GRM4: variants seen among roughly 807,000 people sequenced by gnomAD.
GRM4 encodes the protein glutamate metabotropic receptor 4, also known as metabotropic glutamate receptor 4.
In GRM4, 28 loss-of-function variants were observed where a neutral mutation model predicts 81.7. The ratio of observed to expected loss-of-function variants is 0.34; its 90% CI spans 0.25 to 0.47. The LOEUF (loss-of-function observed/expected upper bound fraction) is 0.47, where lower values mean the gene tolerates loss of function less well. GRM4 is among the 20% of genes least tolerant of loss of function. GRM4 has a pLI of 1.00. For missense variants in GRM4, 948 were observed against 1,290.0 expected, an observed-to-expected ratio of 0.73 and a Z score of 4.06; for synonymous variants, 488 against 528.8, an observed-to-expected ratio of 0.92 and a Z score of 1.06.
At chr6:34,145,841 C>T (rs1280661326) in intron 1 of GRM4, among the ~76,000 whole-genome samples, 159 bp downstream of exon 1, 8 of 152,092 alleles carry the variant, frequency 5.3e-5, no homozygotes, top group African/African-American at 1.7e-4. Context: ...CCACCCCCTA[C>T]CCCACACCTC....
Position 34,056,524 on chromosome 6 carries a change from T to TGCCCG in GRM4, c.1168+15_1168+19dup. 1 of 1,606,156 alleles carries TGCCCG rather than the reference T, an allele frequency of 6.2e-7. No individual in the cohort carries two copies. ...GCTCCTCCTAGAGCCCGCCCGGCCC[T>TGCCCG]GCCCGGCCCGCGTGCTCACTGGTGC... On this transcript the variant is annotated intron_variant, in intron 6 of 10. Transcript: ENST00000538487.
At chr6:34,041,103 C>A (rs1272771623) in intron 6 of GRM4, among the ~76,000 whole-genome samples, 1 of 152,170 alleles carries the variant, frequency 6.6e-6, no homozygotes. Context: ...TTGCCTTCCC[C>A]CAAGCCTGGC....
intron 10 of GRM4, among the ~76,000 whole-genome samples, chr6:34,027,592 G>A (rs1764194973): frequency 6.6e-6 from 1 of 152,210 alleles, no homozygotes; most frequent in African/African-American, 2.4e-5. Context: ...GCTAGGGGGT[G>A]GCTGAACAAA....
chr6:34,095,284 C>T (rs997633653), intron 2 of GRM4, among the ~76,000 whole-genome samples: 2 of 152,128 alleles, frequency 1.3e-5, no homozygotes, highest in African/African-American at 4.8e-5. Flanking sequence ...CAGCCTCCTG[C>T]GATGTGTCCA....
intron 2 of GRM4, among the ~76,000 whole-genome samples, chr6:34,117,394 G>C (rs1769641476): frequency 6.6e-6 from 1 of 152,178 alleles, no homozygotes; most frequent in Non-Finnish European, 1.5e-5. Context: ...GAGCCTCAGG[G>C]GTATCTGCCT....
rs564951676 is a variant in GRM4 at position 34,036,913 on chromosome 6, C to A, written c.1507-310G>T. 1.4e-4 allele frequency among the ~76,000 whole-genome samples: 21 copies of A among 152,330 alleles called. No individual in the cohort carries two copies. The highest frequency in any genetic ancestry group is 5.1e-4 in the African/African-American group (21 of 41,584). The stretch of plus-strand genomic sequence containing the variant: ...CCTAGAGTCACAGGAAACAACAGTG[C>A]AGAGCAAAGAGAACTCAAGAGTCCT... On this transcript the variant is annotated intron_variant, in intron 8 of 10. Coordinates refer to ENST00000538487, the MANE Select transcript of GRM4 (RefSeq NM_000841.4). The surrounding 1 kb of genome is among the most constrained non-coding windows in gnomAD (Gnocchi z 9.0).
intron 3 of GRM4, among the ~76,000 whole-genome samples, chr6:34,072,023 C>T (rs1009670940): frequency 6.6e-6 from 1 of 151,214 alleles, no homozygotes. Flanking sequence ...GAGACACACA[C>T]ACCTATCACC....
chr6:34,110,944 G>T, intron 2 of GRM4: 1 of 921,528 alleles, frequency 1.1e-6, no homozygotes, highest in Non-Finnish European at 1.4e-6. Flanking sequence ...CCTCTCTCCA[G>T]GGGAACGCTG....
intron 2 of GRM4, among the ~76,000 whole-genome samples, chr6:34,119,187 G>C (rs1413326823): frequency 6.6e-6 from 1 of 152,184 alleles, no homozygotes; most frequent in East Asian, 1.9e-4. Flanking sequence ...TTTGAGGTCA[G>C]GAGTTCAAGA....
At chr6:34,066,041 G>A (rs1471861262) in intron 3 of GRM4, among the ~76,000 whole-genome samples, 1 of 151,930 alleles carries the variant, frequency 6.6e-6, no homozygotes, top group Non-Finnish European at 1.5e-5. Context: ...ACCGACTTAT[G>A]CTTGGCCCCA....
intron 3 of GRM4, among the ~76,000 whole-genome samples, chr6:34,086,905 T>G (rs534759198): frequency 6.6e-6 from 1 of 152,260 alleles, no homozygotes; most frequent in East Asian, 1.9e-4. Flanking sequence ...GAGCATCACT[T>G]GAGCCCAGAA....
chr6:34,026,143 G>A (rs1764123599), intron 10 of GRM4, among the ~76,000 whole-genome samples: 1 of 152,216 alleles, frequency 6.6e-6, no homozygotes, highest in African/African-American at 2.4e-5. Context: ...CTGCAATCAG[G>A]CCCCTGAATT....
intron 5 of GRM4, among the ~76,000 whole-genome samples, chr6:34,057,734 G>A (rs987243448): frequency 3.9e-5 from 6 of 152,216 alleles, no homozygotes; most frequent in African/African-American, 1.4e-4. Flanking sequence ...GGCAAGTCCT[G>A]GATTCTGGTC....
At chr6:34,116,052 T>C in intron 2 of GRM4, among the ~76,000 whole-genome samples, 1 of 152,076 alleles carries the variant, frequency 6.6e-6, no homozygotes, top group East Asian at 1.9e-4. Context: ...AGCTGACAGA[T>C]CCTTCAGGAG....
At chr6:34,072,163 C>T (rs1766935631) in intron 3 of GRM4, among the ~76,000 whole-genome samples, 2 of 151,502 alleles carry the variant, frequency 1.3e-5, no homozygotes, top group African/African-American at 4.9e-5. Context: ...CACACACACC[C>T]ATACATCACC....
intron 2 of GRM4, among the ~76,000 whole-genome samples, chr6:34,096,284 T>TA (rs1768513469): frequency 6.6e-6 from 1 of 152,132 alleles, no homozygotes; most frequent in Non-Finnish European, 1.5e-5. Flanking sequence ...TCTTTGTCTA[T>TA]TTTCCTCTGT....
intron 6 of GRM4, among the ~76,000 whole-genome samples, chr6:34,043,122 G>A (rs755429495): frequency 3.9e-5 from 6 of 152,166 alleles, no homozygotes; most frequent in African/African-American, 7.2e-5. Context: ...AGCCAAGGGC[G>A]ACAGGATGGG....
rs1581700405 is a variant in GRM4, at chr6:34,103,936, A to C, written c.520-11837T>G. 3.7e-6 allele frequency: 4 copies of C among 1,079,406 alleles called. No individual in the cohort carries two copies. In the East Asian group the frequency reaches 1.1e-4, roughly 29 times the overall value. The allele number at this position is 1,079,406 out of a possible 1,614,324, so 66.9% of individuals were successfully genotyped here. A position where few individuals can be genotyped will look rare whatever the true frequency, so the allele number is the denominator to read the frequency against. ...CCCAGATGTTCAGAGCCAGCCATGC[A>C]CCTCTCTCACACACAGGAGGTGCGA... On this transcript the variant is annotated intron_variant, in intron 2 of 10. Coordinates refer to ENST00000538487, the MANE Select transcript of GRM4 (RefSeq NM_000841.4).
At chr6:34,154,190 A>T (rs1771100731) in intron 1 of GRM4, among the ~76,000 whole-genome samples, 1 of 152,146 alleles carries the variant, frequency 6.6e-6, no homozygotes, top group African/African-American at 2.4e-5. Flanking sequence ...TGGTAAGGAG[A>T]GGAAGATAAA....
Sources: gnomAD v4.1 joint callset for allele counts (sites outside exome capture counted in the v4.1 genomes callset) on GRCh38, gnomAD v4.1.1 for gene constraint, Gnocchi (gnomAD v3.1) non-coding constraint, MANE v1.5 for transcripts, NCBI Gene and HGNC (gene_info 2026-07-23, HGNC 2026-07-21) for gene names.